The following SYTL2 variants were observed in gnomAD, a reference collection of about 807,000 sequenced individuals.
SYTL2 encodes the protein synaptotagmin like 2, also known as synaptotagmin-like protein 2.
A neutral mutation model predicts 198.7 loss-of-function variants in SYTL2; 165 were observed. That is an observed-to-expected ratio of 0.83 (90% CI 0.73 to 0.94). The LOEUF is 0.94. Ranked by LOEUF, SYTL2 falls within the 40% of genes least tolerant of loss-of-function variation. SYTL2 has a pLI of 0.00. For synonymous variants in SYTL2, 966 were observed against 917.7 expected, an observed-to-expected ratio of 1.05 and a Z score of -0.95; for missense variants, 2,835 against 2,582.8, an observed-to-expected ratio of 1.10 and a Z score of -2.12.
intron 1 of SYTL2, among the ~76,000 whole-genome samples, chr11:85,797,743 A>G (rs1249341423): frequency 6.6e-6 from 1 of 152,162 alleles, no homozygotes; most frequent in East Asian, 1.9e-4. Context: ...CTGTGTTTAT[A>G]CACAGCTTCC....
rs181857698 is a variant in SYTL2 at position 85,777,017 on chromosome 11, C to G, written c.-389-18903G>C. On this transcript the variant is annotated intron_variant, in intron 1 of 19. Coordinates refer to ENST00000359152, the MANE Select transcript of SYTL2 (RefSeq NM_206927.4). ...CAGGGGGAAAGATTCAGACAAGTCA[C>G]ATGCCAACTCACTGAATTCAATGCA... 2.2e-4 allele frequency among the ~76,000 whole-genome samples: 33 copies of G among 152,332 alleles called. No individual in the cohort carries two copies. The East Asian group carries it at 6.2e-3, about 28-fold the overall frequency.
chr11:85,708,623 G>A (rs1290713146), intron 14 of SYTL2, among the ~76,000 whole-genome samples: 1 of 152,068 alleles, frequency 6.6e-6, no homozygotes, highest in Non-Finnish European at 1.5e-5. Context: ...TTTATGAAGT[G>A]TGTCCCATGT....
Position 85,704,942 on chromosome 11 carries a change from T to C in SYTL2, c.6105A>G (p.Leu2035=), listed in dbSNP as rs755491253. The C allele has an allele frequency of 1.9e-6, 3 of 1,613,696 alleles. No homozygotes were observed. The highest frequency in any genetic ancestry group is 2.5e-6 in the Non-Finnish European group (3 of 1,179,700). ...TTTCCAAATCAAGTTCCACCTCCCC[T>C]AGGAAACTATTGCGCTTAAATGTAT... ...HRDTFKRNSF[L]GEVELDLETW... is the part of the protein sequence containing the mutation. The change falls in exon 16 of 20, where the codon CTA becomes CTG. Residue 2035 remains leucine (L), a synonymous_variant. Coordinates refer to ENST00000359152, the MANE Select transcript of SYTL2 (RefSeq NM_206927.4).
intron 1 of SYTL2, among the ~76,000 whole-genome samples, chr11:85,764,993 A>C (rs1193441691): frequency 1.3e-5 from 2 of 152,246 alleles, no homozygotes; most frequent in Admixed American, 6.5e-5. Flanking sequence ...ACAATGCTAC[A>C]TGAATATTTT....
chr11:85,767,368 G>A (rs1462043506), intron 1 of SYTL2, among the ~76,000 whole-genome samples: 1 of 152,114 alleles, frequency 6.6e-6, no homozygotes, highest in African/African-American at 2.4e-5. Flanking sequence ...GCATTTCACA[G>A]CACCCCTAAA....
intron 15 of SYTL2, among the ~76,000 whole-genome samples, chr11:85,706,315 G>A (rs927194119): frequency 2.6e-5 from 4 of 152,174 alleles, no homozygotes; most frequent in African/African-American, 7.2e-5. Flanking sequence ...GATCTGAGGT[G>A]CCCAAAGACA....
At chr11:85,810,223 A>C (rs1280233719) in intron 1 of SYTL2, among the ~76,000 whole-genome samples, 1 of 152,204 alleles carries the variant, frequency 6.6e-6, no homozygotes, top group African/African-American at 2.4e-5. Context: ...GTCACAAACC[A>C]GCACTAAATG....
intron 2 of SYTL2, among the ~76,000 whole-genome samples, chr11:85,751,723 A>G (rs572739616): frequency 2.6e-5 from 4 of 152,336 alleles, no homozygotes; most frequent in African/African-American, 9.6e-5. Context: ...TTTGTGCTGA[A>G]CCACACATCT....
the SYTL2 span, among the ~76,000 whole-genome samples, chr11:85,838,874 C>A: frequency 2.6e-5 from 4 of 152,156 alleles, no homozygotes; most frequent in South Asian, 4.1e-4. Flanking sequence ...ACAGCACAAT[C>A]AAGATGTAAA....
chr11:85,812,083 G>T (rs747400513), upstream of SYTL2, among the ~76,000 whole-genome samples: 1 of 152,056 alleles, frequency 6.6e-6, no homozygotes, highest in African/African-American at 2.4e-5. Context: ...CCCCATCCTG[G>T]GTGACAGAGC....
intron 8 of SYTL2, among the ~76,000 whole-genome samples, chr11:85,721,849 G>A (rs1026745449): frequency 2.0e-5 from 3 of 152,038 alleles, no homozygotes; most frequent in Admixed American, 6.5e-5. Flanking sequence ...TCCTTACTGC[G>A]GACCTTCTCT....
chr11:85,727,129 C>A lies in SYTL2; in HGVS notation c.2229G>T (p.Leu743=). 2 of 1,535,888 alleles carry A rather than the reference C, an allele frequency of 1.3e-6. No homozygotes were observed. The highest frequency in any genetic ancestry group is 2.0e-5 in the Admixed American group (1 of 50,896). The part of the protein sequence containing the change: ...RKSKVGNTYI[L]KASLEPENIK... ...TATTCTCTGGCTCTAAGGAGGCTTTCAGGATATAGGTATTTCCTACTTTGC... is the reference window on the plus strand; with the variant it reads ...TATTCTCTGGCTCTAAGGAGGCTTTAAGGATATAGGTATTTCCTACTTTGC... The change falls in exon 8 of 20, where the codon CTG becomes CTT. Residue 743 remains leucine (L), a synonymous_variant. Transcript: ENST00000359152.
chr11:85,713,888 T>G (rs2086728974), intron 12 of SYTL2, among the ~76,000 whole-genome samples: 1 of 152,182 alleles, frequency 6.6e-6, no homozygotes, highest in African/African-American at 2.4e-5. Context: ...GAGGTTAATC[T>G]CCCTTAGTCT....
rs150544681 is a variant in SYTL2, at chr11:85,724,432, G to A, written c.4926C>T (p.Asp1642=). The A allele has an allele frequency of 1.1e-4, 170 of 1,610,044 alleles. No individual in the cohort carries two copies. The highest frequency in any genetic ancestry group is 5.0e-4 in the Middle Eastern group (3 of 6,032). The stretch of plus-strand genomic sequence containing the variant: ...CTACCAATAAATCAGTCACAAGTGC[G>A]TCTCCTCCCAACATTTTATCACATT... ...VNQCDKMLGG[D]ALVTDLLVDF... is the part of the protein sequence containing the mutation. Residue 1642 remains aspartate, a synonymous_variant, in exon 8 of 20, where the codon GAC becomes GAT. Coordinates refer to ENST00000359152, the MANE Select transcript of SYTL2 (RefSeq NM_206927.4).
intron 15 of SYTL2, 105 bp from the exon 16 acceptor site, chr11:85,705,133 T>C (rs1394938130): frequency 2.4e-6 from 2 of 825,218 alleles, no homozygotes; most frequent in Admixed American, 5.8e-5. Flanking sequence ...AATTTTCTTA[T>C]CTGTTAGGTT....
chr11:85,819,811 A>G, the SYTL2 span, among the ~76,000 whole-genome samples: 4 of 152,210 alleles, frequency 2.6e-5, no homozygotes, highest in Non-Finnish European at 5.9e-5. Flanking sequence ...TTCTACTTAC[A>G]TGCTTTGTGC....
At chr11:85,730,136 G>A (rs1180571587) in intron 7 of SYTL2, among the ~76,000 whole-genome samples, 1 of 152,140 alleles carries the variant, frequency 6.6e-6, no homozygotes, top group Non-Finnish European at 1.5e-5. Context: ...AGGACCAGAT[G>A]GATTCACAGC....
rs115240923 is a variant in SYTL2, at chr11:85,726,362, T to C, written c.2996A>G (p.Asp999Gly). Residue 999 changes from aspartate (D) to glycine (G), a missense_variant, in exon 8 of 20, where the codon GAT (aspartate) becomes GGT (glycine). Asp to Gly is a moderately conservative substitution (Grantham distance 94). This residue lies in a region of SYTL2 where 2,645 missense variants were observed against 2,381.7 expected (regional missense o/e 1.11). Transcript: ENST00000359152. ...TGTGGTGGTAATATTCTTGTCATTA[T>C]CCTTACTGTTTGAATTAGCTTCTAA... ...WDLEANSNSK[D>G]NDKNITTTSQ... The C allele has an allele frequency of 5.3e-4, 854 of 1,614,014 alleles. 5 individuals are homozygous for C. In the East Asian group the frequency reaches 0.013, roughly 24 times the overall value.
At chr11:85,728,364 G>A (rs2089456594) in intron 7 of SYTL2, among the ~76,000 whole-genome samples, 1 of 152,030 alleles carries the variant, frequency 6.6e-6, no homozygotes, top group Admixed American at 6.5e-5. Flanking sequence ...TCGGCTCACT[G>A]CAACCTCCGC....
Sources: allele counts gnomAD v4.1 joint callset (sites outside exome capture counted in the v4.1 genomes callset), GRCh38; gene constraint gnomAD v4.1.1; regional missense constraint gnomAD v4.1.1; transcripts MANE v1.5; gene names NCBI Gene and HGNC (gene_info 2026-07-23, HGNC 2026-07-21).